Variants in EXOC6B observed in about 807,000 individuals in gnomAD.
EXOC6B encodes the protein exocyst complex component 6B, also known as SEC15 homolog B.
EXOC6B carries 54 observed loss-of-function variants against 113.5 expected under a neutral mutation model. That is an observed-to-expected ratio of 0.48 (90% CI 0.38 to 0.60). EXOC6B has a LOEUF of 0.60. Ranked by LOEUF, EXOC6B falls within the 20% of genes least tolerant of loss-of-function variation. The pLI is 0.00. For synonymous variants in EXOC6B, 357 were observed against 339.0 expected, an observed-to-expected ratio of 1.05 and a Z score of -0.58; for missense variants, 797 against 977.5, an observed-to-expected ratio of 0.82 and a Z score of 2.46.
chr2:72,575,485 T>C lies in EXOC6B; in HGVS notation c.846+7A>G, dbSNP rs774179221. 1 of 1,603,362 alleles carries C rather than the reference T, an allele frequency of 6.2e-7. No individual in the cohort carries two copies. The highest frequency in any genetic ancestry group is 1.1e-5 in the South Asian group (1 of 88,728). ...AGTCTCACTTCCCAACATCAAATGT[T>C]ACTTACCTCTTCATCATCTTCCTCG... On this transcript the variant is annotated splice_region_variant and intron_variant, in intron 7 of 21. Coordinates refer to ENST00000272427, the MANE Select transcript of EXOC6B (RefSeq NM_015189.3).
intron 6 of EXOC6B, among the ~76,000 whole-genome samples, chr2:72,705,263 A>G (rs1195336694): frequency 6.6e-6 from 1 of 152,218 alleles, no homozygotes; most frequent in Admixed American, 6.5e-5. Flanking sequence ...AAAGCCTTTG[A>G]CAAAATTCAA....
rs371000486 is a variant in EXOC6B, at chr2:72,764,970, C to CA, written c.114-23502dup. The stretch of plus-strand genomic sequence containing the variant: ...CTGCTCCAATCTAAACTGATACTCC[C>CA]AGCCAGGTGTGGTGGCTCACACCTA... On this transcript the variant is annotated intron_variant, in intron 1 of 21. Transcript: ENST00000272427. 7.2e-3 allele frequency among the ~76,000 whole-genome samples: 1,089 copies of CA among 152,160 alleles called. 3 individuals carry two copies. Among genetic ancestry groups the CA allele is most frequent in the Non-Finnish European group, 0.012 (804 of 67,984 alleles).
chr2:72,242,459 T>C (rs552223237), intron 20 of EXOC6B, among the ~76,000 whole-genome samples: 2 of 152,210 alleles, frequency 1.3e-5, no homozygotes, highest in South Asian at 4.1e-4. Context: ...TGTAAATGTA[T>C]ATTGCAAACT....
intron 18 of EXOC6B, among the ~76,000 whole-genome samples, chr2:72,413,551 T>C (rs11674508): frequency 0.21 from 31,844 of 150,904 alleles, 6,371 homozygotes; most frequent in African/African-American, 0.53. Flanking sequence ...GGTGTAGTGG[T>C]ACGCACCTGT....
At position 72,586,408 on chromosome 2, in the gene EXOC6B, C is replaced by A. The variant is rs532449007; in HGVS notation, c.670-10740G>T. Among the ~76,000 whole-genome samples, 214 of 152,040 alleles carry A rather than the reference C, an allele frequency of 1.4e-3. 1 individual carries two copies. Among genetic ancestry groups the A allele is most frequent in the African/African-American group, 4.9e-3 (205 of 41,444 alleles). On this transcript the variant is annotated intron_variant, in intron 6 of 21. Transcript: ENST00000272427. ...ATTCAACAAGCAAAAACAAATAACC[C>A]CATTAAAAAGTCGGCAAAATACATG...
chr2:72,248,885 A>G (rs1573085448), intron 20 of EXOC6B, among the ~76,000 whole-genome samples: 2 of 152,364 alleles, frequency 1.3e-5, no homozygotes, highest in East Asian at 3.9e-4. Context: ...GTCAAAGAAC[A>G]TTAAATGTAG....
intron 1 of EXOC6B, among the ~76,000 whole-genome samples, chr2:72,819,267 A>T (rs1047633564): frequency 1.3e-5 from 2 of 152,370 alleles, no homozygotes; most frequent in South Asian, 2.1e-4. Context: ...AAGAGGAAAT[A>T]TAAAAATATA....
chr2:72,299,600 T>C (rs1475127265), intron 20 of EXOC6B, among the ~76,000 whole-genome samples: 2 of 152,124 alleles, frequency 1.3e-5, no homozygotes, highest in African/African-American at 2.4e-5. Context: ...TTGTGATCCT[T>C]TGGAGGAGAA....
intron 19 of EXOC6B, among the ~76,000 whole-genome samples, chr2:72,373,455 G>A (rs1179668720): frequency 6.6e-6 from 1 of 152,034 alleles, no homozygotes; most frequent in Non-Finnish European, 1.5e-5. Context: ...GCACAGCAAA[G>A]GAAATAATCA....
At chr2:72,461,505 A>G (rs1272867577) in intron 18 of EXOC6B, 1 of 151,974 alleles carries the variant, frequency 6.6e-6, no homozygotes, top group Non-Finnish European at 1.5e-5. Context: ...TATATTTTTA[A>G]TGAATAAATA....
rs1558735932 is a variant in EXOC6B at position 72,499,960 on chromosome 2, C to G, written c.1180G>C (p.Asp394His). 6.5e-7 allele frequency: 1 copy of G among 1,549,894 alleles called. No homozygotes were observed. Among genetic ancestry groups the G allele is most frequent in the East Asian group, 2.4e-5 (1 of 41,094 alleles). Residue 394 changes from aspartate (D) to histidine (H), a missense_variant, in exon 12 of 22, where the codon GAT becomes CAT. Asp to His is a moderately conservative substitution (Grantham distance 81). Coordinates refer to ENST00000272427, the MANE Select transcript of EXOC6B (RefSeq NM_015189.3). ...ALRTHSSYCS[D>H]PNLVLDLKNL... ...TTCAAATCTAACACAAGGTTTGGAT[C>G]AGAACAGTAAGACTAAAGTAAATAA...
At chr2:72,662,411 C>T (rs915765022) in intron 6 of EXOC6B, among the ~76,000 whole-genome samples, 4 of 152,174 alleles carry the variant, frequency 2.6e-5, no homozygotes, top group African/African-American at 9.7e-5. Context: ...AATCACATAT[C>T]TGGCAAAGGA....
At chr2:72,412,314 G>A (rs573374778) in intron 18 of EXOC6B, among the ~76,000 whole-genome samples, 1 of 152,320 alleles carries the variant, frequency 6.6e-6, no homozygotes, top group East Asian at 1.9e-4. Flanking sequence ...AGCTATAGGT[G>A]AACAGAGGTG....
At chr2:72,332,538 G>A (rs1294146903) in intron 20 of EXOC6B, among the ~76,000 whole-genome samples, 2 of 152,070 alleles carry the variant, frequency 1.3e-5, no homozygotes, top group Non-Finnish European at 2.9e-5. Flanking sequence ...AAGGGTTAAG[G>A]TTAAGTGAGA....
intron 6 of EXOC6B, among the ~76,000 whole-genome samples, chr2:72,662,038 A>T (rs1169985548): frequency 7.0e-6 from 1 of 143,350 alleles, no homozygotes; most frequent in Non-Finnish European, 1.5e-5. Flanking sequence ...AGGAGGGGAG[A>T]AAGAAAGAAG....
intron 19 of EXOC6B, among the ~76,000 whole-genome samples, chr2:72,358,674 A>G (rs1008976215): frequency 2.0e-5 from 3 of 152,292 alleles, no homozygotes; most frequent in African/African-American, 7.2e-5. Flanking sequence ...TTTAATTATT[A>G]TGTATTATAT....
intron 9 of EXOC6B, 73 bp from the exon 10 acceptor site, chr2:72,514,753 T>C: frequency 1.1e-6 from 1 of 907,180 alleles, no homozygotes; most frequent in East Asian, 2.7e-5. Context: ...AATCAGTCAC[T>C]TAATCTCTTA....
At chr2:72,262,797 T>C (rs1027729679) in intron 20 of EXOC6B, among the ~76,000 whole-genome samples, 10 of 152,130 alleles carry the variant, frequency 6.6e-5, no homozygotes, top group Non-Finnish European at 1.3e-4. Context: ...ACATATGGAA[T>C]TAATTCAATA....
chr2:72,401,543 ATG>A (rs1298207845), intron 18 of EXOC6B, among the ~76,000 whole-genome samples: 4 of 12,740 alleles, frequency 3.1e-4, no homozygotes, highest in Non-Finnish European at 4.3e-4. Flanking sequence ...ATATATATAT[ATG>A]TGTATATATA....
Sources: allele counts gnomAD v4.1 joint callset (sites outside exome capture counted in the v4.1 genomes callset), GRCh38; gene constraint gnomAD v4.1.1; transcripts MANE v1.5; gene names NCBI Gene and HGNC (gene_info 2026-07-23, HGNC 2026-07-21).